The following DUOXA2 variants were observed in gnomAD, a reference collection of about 807,000 sequenced individuals.
DUOXA2 encodes the protein dual oxidase maturation factor 2.
DUOXA2 carries 22 observed loss-of-function variants against 27.6 expected under a neutral mutation model. The observed-to-expected ratio is 0.80, with a 90% CI of 0.57 to 1.14. The LOEUF (loss-of-function observed/expected upper bound fraction) is 1.14. Ranked by LOEUF, DUOXA2 falls within the 50% of genes most tolerant of loss-of-function variation. DUOXA2 has a pLI of 0.00. For synonymous variants in DUOXA2, 188 were observed against 184.4 expected (o/e 1.02, Z -0.16); for missense variants, 481 against 419.9 (o/e 1.15, Z -1.27).
At chr15:45,117,480 A>G (rs1367695727) in intron 5 of DUOXA2, 175 bp downstream of exon 5, 5 of 1,550,818 alleles carry the variant, frequency 3.2e-6, no homozygotes, top group Non-Finnish European at 3.5e-6. Context: ...TGGGGGGCTC[A>G]GAAGGGTTTG....
Position 45,114,602 on chromosome 15 carries a change from C to T in DUOXA2, c.-4C>T. The T allele has an allele frequency of 1.2e-6, 2 of 1,613,848 alleles. No homozygotes were observed. The highest frequency in any genetic ancestry group is 1.7e-6 in the Non-Finnish European group (2 of 1,179,982). On this transcript the variant is annotated 5_prime_UTR_variant, in exon 1 of 6. Coordinates refer to ENST00000323030, the MANE Select transcript of DUOXA2 (RefSeq NM_207581.4). ...CTGCGTGCAGCACTCGGCCGGCGTG[C>T]AGCATGACCCTGTGGAACGGCGTAC... is the stretch of plus-strand genomic sequence containing the variant.
In DUOXA2 at chr15:45,117,287, T is replaced by C. The variant is rs1259116476; in HGVS notation, c.751T>C (p.Trp251Arg). The C allele has an allele frequency of 6.3e-7, 1 of 1,598,462 alleles. No homozygotes were observed. Among genetic ancestry groups the C allele is most frequent in the South Asian group, 1.1e-5 (1 of 89,836 alleles). The change falls in exon 5 of 6, where the codon TGG becomes CGG. Residue 251 changes from tryptophan (W) to arginine (R), a missense_variant. By Grantham distance (101) the Trp-to-Arg change is moderately radical. Coordinates refer to ENST00000323030, the MANE Select transcript of DUOXA2 (RefSeq NM_207581.4). ...ALTTQYGAAF[W>R]VTLATGVLCL... ...CACCACTCAGTACGGCGCCGCCTTC[T>C]GGGTCACGCTGGCAACCGGTGAGGA...
intron 2 of DUOXA2, 75 bp from the exon 3 acceptor site, chr15:45,116,049 T>C (rs1894615099): frequency 6.2e-7 from 1 of 1,610,118 alleles, no homozygotes; most frequent in African/African-American, 1.3e-5. Context: ...CTCTGCAGTG[T>C]CCCACCTCCC....
Position 45,117,260 on chromosome 15 carries a change from C to T in DUOXA2, c.724C>T (p.Leu242Phe). 6.2e-7 allele frequency: 1 copy of T among 1,609,358 alleles called. No homozygotes were observed. The highest frequency in any genetic ancestry group is 1.1e-5 in the South Asian group (1 of 90,680). Reference sequence around the variant, plus strand: ...CCCGCTCCGCCTAGGCTCCTCCGCGCTCACCACTCAGTACGGCGCCGCCTT... The same window carrying T: ...CCCGCTCCGCCTAGGCTCCTCCGCGTTCACCACTCAGTACGGCGCCGCCTT... ...LCPLRLGSSA[L>F]TTQYGAAFWV... The change falls in exon 5 of 6, where the codon CTC becomes TTC. Residue 242 changes from leucine (L) to phenylalanine (F), a missense_variant. By Grantham distance (22) the Leu-to-Phe change is conservative. Coordinates refer to ENST00000323030, the MANE Select transcript of DUOXA2 (RefSeq NM_207581.4).
chr15:45,118,159 C>A lies in DUOXA2; in HGVS notation c.*250C>A, dbSNP rs1250006787. 2 of 1,437,722 alleles carry A rather than the reference C, an allele frequency of 1.4e-6. No homozygotes were observed. The allele number at this position is 1,437,722 out of a possible 1,614,324, so 89.1% of individuals were successfully genotyped here. On this transcript the variant is annotated 3_prime_UTR_variant, in exon 6 of 6. Transcript: ENST00000323030. ...TCTCCGCGCCGGGGTCGCACGTCCT[C>A]ATGAGCTTCGCTGGGCTGGAGACAG...
intron 4 of DUOXA2, 88 bp from the exon 5 acceptor site, chr15:45,117,003 G>T: frequency 6.9e-7 from 1 of 1,456,540 alleles, no homozygotes; most frequent in South Asian, 1.2e-5. Context: ...CTTTGACGCT[G>T]GGGTAGGGAT....
intron 1 of DUOXA2, among the ~76,000 whole-genome samples, 182 bp downstream of exon 1, chr15:45,114,934 C>T (rs1894566501): frequency 6.6e-6 from 1 of 152,164 alleles, no homozygotes; most frequent in Non-Finnish European, 1.5e-5. Context: ...AGGGAGAGCT[C>T]CCCATCCAGG....
intron 3 of DUOXA2, 64 bp downstream of exon 3, chr15:45,116,322 A>G: frequency 6.2e-7 from 1 of 1,604,628 alleles, no homozygotes. Context: ...TGAGTGTGTC[A>G]GGGATAGCTG....
Position 45,114,609 on chromosome 15 carries a change from AC to A in DUOXA2, c.7del (p.Leu3CysfsTer27). 2 of 1,613,916 alleles carry A rather than the reference AC, an allele frequency of 1.2e-6. No homozygotes were observed. The highest frequency in any genetic ancestry group is 1.7e-6 in the Non-Finnish European group (2 of 1,179,962). M[T>X]LWNGVLPFYP... is the part of the protein sequence containing the mutation. Reference sequence around the variant, plus strand: ...CAGCACTCGGCCGGCGTGCAGCATGACCCTGTGGAACGGCGTACTGCCTTTT... The same window carrying A: ...CAGCACTCGGCCGGCGTGCAGCATGACCTGTGGAACGGCGTACTGCCTTTT... On this transcript the variant is annotated frameshift_variant, in exon 1 of 6. Transcript: ENST00000323030. LOFTEE classifies it high-confidence loss of function.
chr15:45,116,824 CT>C lies in DUOXA2; in HGVS notation c.554+96del. On this transcript the variant is annotated intron_variant, in intron 4 of 5. Coordinates refer to ENST00000323030, the MANE Select transcript of DUOXA2 (RefSeq NM_207581.4). The stretch of plus-strand genomic sequence containing the variant: ...TGCAGGCCTCGGAGGCGCTGAGCAG[CT>C]GCAGCCAGACCCGACGCGCTCGGGG... 1.1e-5 allele frequency: 16 copies of C among 1,442,728 alleles called. No individual in the cohort carries two copies. In the South Asian group the frequency reaches 1.9e-4, roughly 17 times the overall value. 89.4% of individuals were successfully genotyped at this position (1,442,728 alleles called of 1,614,324 possible). A position where few individuals can be genotyped will look rare whatever the true frequency, so the allele number is the denominator to read the frequency against.
At position 45,114,572 on chromosome 15, in the gene DUOXA2, C is replaced by A; in HGVS notation, c.-34C>A. 2 of 1,611,934 alleles carry A rather than the reference C, an allele frequency of 1.2e-6. No homozygotes were observed. Among genetic ancestry groups the A allele is most frequent in the Non-Finnish European group, 1.7e-6 (2 of 1,179,524 alleles). ...CAGCCCCAGCTTGCTGGCTTGCCTG[C>A]CCGCCTGCGTGCAGCACTCGGCCGG... is the stretch of plus-strand genomic sequence containing the variant. On this transcript the variant is annotated 5_prime_UTR_variant, in exon 1 of 6. Transcript: ENST00000323030.
chr15:45,116,840 C>A, intron 4 of DUOXA2, 111 bp downstream of exon 4: 1 of 1,344,112 alleles, frequency 7.4e-7, no homozygotes, highest in Non-Finnish European at 1.0e-6. Context: ...CCAGACCCGA[C>A]GCGCTCGGGG....
At chr15:45,116,860 C>A in intron 4 of DUOXA2, 131 bp downstream of exon 4, 1 of 1,209,226 alleles carries the variant, frequency 8.3e-7, no homozygotes. Context: ...GTGGGCATGA[C>A]AGCCTCGCGG....
intron 3 of DUOXA2, 57 bp downstream of exon 3, chr15:45,116,315 G>A: frequency 6.2e-7 from 1 of 1,608,064 alleles, no homozygotes; most frequent in Non-Finnish European, 8.5e-7. Context: ...GGTTAGGTGA[G>A]TGTGTCAGGG....
chr15:45,117,918 C>T lies in DUOXA2; in HGVS notation c.*9C>T, dbSNP rs1444752602. The T allele has an allele frequency of 1.2e-6, 2 of 1,613,146 alleles. No homozygotes were observed. The highest frequency in any genetic ancestry group is 1.7e-6 in the Non-Finnish European group (2 of 1,180,026). Reference sequence around the variant, plus strand: ...TCACCACTAACCTGTGAGGGGGACCCAATCTGGACTCCTTCCCCGCCTTGG... The same window carrying T: ...TCACCACTAACCTGTGAGGGGGACCTAATCTGGACTCCTTCCCCGCCTTGG... On this transcript the variant is annotated 3_prime_UTR_variant, in exon 6 of 6. Transcript: ENST00000323030.
Position 45,118,136 on chromosome 15 carries a change from T to TCCGCG in DUOXA2, c.*231_*235dup, listed in dbSNP as rs1257957801. On this transcript the variant is annotated 3_prime_UTR_variant, in exon 6 of 6. Coordinates refer to ENST00000323030, the MANE Select transcript of DUOXA2 (RefSeq NM_207581.4). ...TTTTCCCATTAATTTTCATGGCTTC[T>TCCGCG]CCGCGCCGGGGTCGCACGTCCTCAT... 6.9e-7 allele frequency: 1 copy of TCCGCG among 1,440,426 alleles called. No individual in the cohort carries two copies. The highest frequency in any genetic ancestry group is 1.4e-5 in the African/African-American group (1 of 69,838). The allele number at this position is 1,440,426 out of a possible 1,614,324, so 89.2% of individuals were successfully genotyped here.
chr15:45,114,624 G>T lies in DUOXA2; in HGVS notation c.19G>T (p.Val7Leu), dbSNP rs778091647. MTLWNG[V>L]LPFYPQPRHA... ...GTGCAGCATGACCCTGTGGAACGGC[G>T]TACTGCCTTTTTACCCCCAGCCCCG... is the stretch of plus-strand genomic sequence containing the variant. Residue 7 changes from valine (V) to leucine (L), a missense_variant, in exon 1 of 6, where the codon GTA becomes TTA. Val to Leu is a conservative substitution (Grantham distance 32). Transcript: ENST00000323030. 6.2e-7 allele frequency: 1 copy of T among 1,614,030 alleles called. No individual in the cohort carries two copies. Among genetic ancestry groups the T allele is most frequent in the Non-Finnish European group, 8.5e-7 (1 of 1,180,022 alleles).
At position 45,118,049 on chromosome 15, in the gene DUOXA2, G is replaced by C. The variant is rs1302889185; in HGVS notation, c.*140G>C. 2 of 1,589,166 alleles carry C rather than the reference G, an allele frequency of 1.3e-6. No individual in the cohort carries two copies. The highest frequency in any genetic ancestry group is 8.6e-7 in the Non-Finnish European group (1 of 1,165,254). ...AGGCCTCGGACATCCGCAGGCACCA[G>C]GGAAAGTCTCCTGGGGCGATCTGTA... On this transcript the variant is annotated 3_prime_UTR_variant, in exon 6 of 6. Coordinates refer to ENST00000323030, the MANE Select transcript of DUOXA2 (RefSeq NM_207581.4).
chr15:45,115,565 T>G (rs1595532567), intron 1 of DUOXA2: 2 of 677,498 alleles, frequency 3.0e-6, no homozygotes, highest in Admixed American at 2.0e-5. Flanking sequence ...GAAGTGGGGG[T>G]GGAGGGGAGG....
Sources: gnomAD v4.1 joint callset for allele counts (sites outside exome capture counted in the v4.1 genomes callset) on GRCh38, gnomAD v4.1.1 for gene constraint, MANE v1.5 for transcripts, NCBI Gene and HGNC (gene_info 2026-07-23, HGNC 2026-07-21) for gene names.